Variants in RIMS1 observed in about 807,000 individuals in gnomAD.
RIMS1 encodes regulating synaptic membrane exocytosis protein 1.
RIMS1 carries 83 observed loss-of-function variants against 214.1 expected under a neutral mutation model. That is an observed-to-expected ratio of 0.39 (90% CI 0.32 to 0.47). The LOEUF is 0.47. Ranked by LOEUF, RIMS1 falls within the 20% of genes least tolerant of loss-of-function variation. The pLI, the probability that RIMS1 is intolerant of heterozygous loss-of-function variation, is 0.99. For synonymous variants in RIMS1, 793 were observed against 786.8 expected, an observed-to-expected ratio of 1.01 and a Z score of -0.13; for missense variants, 2,050 against 2,161.8, an observed-to-expected ratio of 0.95 and a Z score of 1.03.
chr6:72,035,805 AT>A (rs1819471449), intron 2 of RIMS1, among the ~76,000 whole-genome samples: 1 of 152,160 alleles, frequency 6.6e-6, no homozygotes, highest in African/African-American at 2.4e-5. Flanking sequence ...ATGTTTCCAA[AT>A]TTAGTGGCTG....
chr6:71,896,619 T>TA (rs916832603), intron 1 of RIMS1, among the ~76,000 whole-genome samples: 8 of 151,850 alleles, frequency 5.3e-5, no homozygotes, highest in Admixed American at 1.3e-4. Flanking sequence ...TTGTGCAAAT[T>TA]AAAAAAAATA....
chr6:72,292,057 A>G lies in RIMS1; in HGVS notation c.3850+11A>G, dbSNP rs757353841. On this transcript the variant is annotated intron_variant, in intron 26 of 33. Transcript: ENST00000521978. ...GCAGTATAGAACAAGGTATCCGATA[A>G]AGAGAGATCATTGTCCAAAAATCTT... 10 of 1,522,776 alleles carry G rather than the reference A, an allele frequency of 6.6e-6. No individual in the cohort carries two copies. The South Asian group carries it at 1.1e-4, about 17-fold the overall frequency. 94.3% of individuals were successfully genotyped at this position (1,522,776 alleles called of 1,614,324 possible).
At chr6:72,015,747 A>T (rs927197526) in intron 2 of RIMS1, among the ~76,000 whole-genome samples, 2 of 152,120 alleles carry the variant, frequency 1.3e-5, no homozygotes, top group African/African-American at 4.8e-5. Flanking sequence ...TAACATGGTG[A>T]AACCCTGTCT....
At chr6:72,127,852 A>T (rs1587699954) in intron 4 of RIMS1, among the ~76,000 whole-genome samples, 1 of 152,236 alleles carries the variant, frequency 6.6e-6, no homozygotes, top group African/African-American at 2.4e-5. Context: ...AGAGACAGAA[A>T]TAAATCTTAC....
In RIMS1 at chr6:72,167,366, A is replaced by C. The variant is rs527822550; in HGVS notation, c.472-12209A>C. On this transcript the variant is annotated intron_variant, in intron 4 of 33. Coordinates refer to ENST00000521978, the MANE Select transcript of RIMS1 (RefSeq NM_014989.7). Reference sequence around the variant, plus strand: ...TTTGCTTCCCTGTTTGAGAGACATTAGTTTTTAATTTTATTTTTAATCATT... The same window carrying C: ...TTTGCTTCCCTGTTTGAGAGACATTCGTTTTTAATTTTATTTTTAATCATT... Among the ~76,000 whole-genome samples, 12 of 151,936 alleles carry C rather than the reference A, an allele frequency of 7.9e-5. 1 individual carries two copies. Among genetic ancestry groups the C allele is most frequent in the South Asian group, 4.1e-4 (2 of 4,830 alleles).
rs924026012 is a variant in RIMS1, at chr6:72,290,724, A to C, written c.3600A>C (p.Arg1200Ser). 1 of 1,613,684 alleles carries C rather than the reference A, an allele frequency of 6.2e-7. No individual in the cohort carries two copies. Among genetic ancestry groups the C allele is most frequent in the Non-Finnish European group, 8.5e-7 (1 of 1,179,780 alleles). Residue 1200 changes from arginine to serine, a missense_variant, in exon 25 of 34, where the codon AGA becomes AGC. Transcript: ENST00000521978. ...CTAGAAGGGGACACGCAGCCCCAAG[A>C]GCAACTGATCAGCCAGTCATTAGGG... ...CLSRRGHAAP[R>S]ATDQPVIRGK...
In RIMS1 at chr6:72,252,801, G is replaced by A. The variant is rs765679811; in HGVS notation, c.2739G>A (p.Glu913=). 12 of 1,558,214 alleles carry A rather than the reference G, an allele frequency of 7.7e-6. No homozygotes were observed. In the African/African-American group the frequency reaches 9.5e-5, roughly 12 times the overall value. Residue 913 remains glutamate (E), a synonymous_variant, in exon 16 of 34, where the codon GAG becomes GAA. Transcript: ENST00000521978. The stretch of plus-strand genomic sequence containing the variant: ...GTGATAGTGACATCTCAGATTATGA[G>A]GTTGATGATGGTATTGGCGTAGTTC... The part of the protein sequence containing the change: ...RISDSDISDY[E]VDDGIGVVPP...
chr6:72,277,584 A>AT (rs1045954487), intron 23 of RIMS1, among the ~76,000 whole-genome samples: 1 of 151,728 alleles, frequency 6.6e-6, no homozygotes, highest in Non-Finnish European at 1.5e-5. Flanking sequence ...TCTGTCTCAA[A>AT]AAAAAAAAAA....
At chr6:72,155,691 A>G (rs1265276936) in intron 4 of RIMS1, among the ~76,000 whole-genome samples, 1 of 140,382 alleles carries the variant, frequency 7.1e-6, no homozygotes, top group Non-Finnish European at 1.6e-5. Context: ...TTTTAAAACC[A>G]TCAGATCTAG....
At chr6:72,077,448 A>C (rs1832209897) in intron 2 of RIMS1, among the ~76,000 whole-genome samples, 1 of 152,198 alleles carries the variant, frequency 6.6e-6, no homozygotes, top group South Asian at 2.1e-4. Flanking sequence ...GAATTTATGA[A>C]TGTATCACTC....
intron 2 of RIMS1, among the ~76,000 whole-genome samples, chr6:72,004,009 TCCCTCCC>T (rs1806359247): frequency 9.2e-6 from 1 of 108,252 alleles, no homozygotes; most frequent in South Asian, 3.9e-4. Context: ...CCTAATGCTA[TCCCTCCC>T]CCCTCCCCCC....
chr6:71,900,725 G>A (rs1294995259), intron 1 of RIMS1, among the ~76,000 whole-genome samples: 1 of 152,090 alleles, frequency 6.6e-6, no homozygotes, highest in Non-Finnish European at 1.5e-5. Flanking sequence ...CCCAAATTTA[G>A]TCCTGGTTAT....
intron 2 of RIMS1, among the ~76,000 whole-genome samples, chr6:72,064,164 A>G (rs915285567): frequency 6.6e-6 from 1 of 152,144 alleles, no homozygotes; most frequent in Non-Finnish European, 1.5e-5. Flanking sequence ...CTAAAAACAC[A>G]AAAATTAGCC....
intron 19 of RIMS1, chr6:72,262,315 T>C (rs968855114): frequency 1.1e-6 from 1 of 943,748 alleles, no homozygotes; most frequent in African/African-American, 1.8e-5. Context: ...AAGTCCTATT[T>C]AATAGTCTCT....
chr6:72,082,614 A>C (rs923086554), intron 2 of RIMS1, among the ~76,000 whole-genome samples: 1 of 152,158 alleles, frequency 6.6e-6, no homozygotes, highest in African/African-American at 2.4e-5. Flanking sequence ...AAACTAAGAA[A>C]TATGCTTGTG....
At chr6:72,037,468 A>C (rs1004150088) in intron 2 of RIMS1, among the ~76,000 whole-genome samples, 5 of 152,140 alleles carry the variant, frequency 3.3e-5, no homozygotes, top group African/African-American at 1.2e-4. Flanking sequence ...TAACCAATAC[A>C]AAGAGTATAT....
chr6:72,329,173 C>G (rs1036963508), intron 28 of RIMS1, among the ~76,000 whole-genome samples: 1 of 151,764 alleles, frequency 6.6e-6, no homozygotes, highest in African/African-American at 2.4e-5. Flanking sequence ...CATGAAATGC[C>G]CTGCTTGGAC....
At chr6:71,938,838 A>G (rs1785229400) in intron 1 of RIMS1, among the ~76,000 whole-genome samples, 1 of 152,176 alleles carries the variant, frequency 6.6e-6, no homozygotes, top group Non-Finnish European at 1.5e-5. Flanking sequence ...TATATCAAAC[A>G]GTCCTTTGAT....
At chr6:72,112,454 C>T (rs1351964524) in intron 4 of RIMS1, among the ~76,000 whole-genome samples, 2 of 152,108 alleles carry the variant, frequency 1.3e-5, no homozygotes, top group Admixed American at 6.6e-5. Flanking sequence ...AGCAAAGACC[C>T]CTACAATTGT....
Sources: gnomAD v4.1 joint callset for allele counts (sites outside exome capture counted in the v4.1 genomes callset) on GRCh38, gnomAD v4.1.1 for gene constraint, MANE v1.5 for transcripts, NCBI Gene and HGNC (gene_info 2026-07-23, HGNC 2026-07-21) for gene names.